Variants in DCAF6 observed in about 807,000 individuals in gnomAD.
DCAF6 encodes DDB1 and CUL4 associated factor 6.
A neutral mutation model predicts 125.1 loss-of-function variants in DCAF6; 54 were observed. The observed-to-expected ratio is 0.43, with a 90% confidence interval of 0.35 to 0.54. DCAF6 has a LOEUF of 0.54. Ranked by LOEUF, DCAF6 falls within the 20% of genes least tolerant of loss-of-function variation. The probability of loss-of-function intolerance (pLI) is 0.01; values close to 1 mark genes in which losing one functional copy is unlikely to be tolerated. For synonymous variants in DCAF6, 371 were observed against 390.4 expected (o/e 0.95, Z 0.58); for missense variants, 934 against 1,161.7 (o/e 0.80, Z 2.85).
At chr1:167,899,728 A>G in the DCAF6 span, 10 of 1,088,338 alleles carry the variant, frequency 9.2e-6, no homozygotes, top group South Asian at 1.3e-5. Flanking sequence ...GGACTATACT[A>G]TCTCAGAGCA....
At chr1:167,935,107 G>A (rs555756373), upstream of DCAF6, among the ~76,000 whole-genome samples, 15 of 152,300 alleles carry the variant, frequency 9.8e-5, no homozygotes, top group African/African-American at 3.4e-4. Flanking sequence ...AGTGGTAGAA[G>A]AGAATGATAT....
At chr1:167,906,578 G>A in the DCAF6 span, among the ~76,000 whole-genome samples, 526 of 149,530 alleles carry the variant, frequency 3.5e-3, 5 homozygotes, top group African/African-American at 0.012. Context: ...GCTTGAGCCC[G>A]AGTTCGAGAC....
intron 1 of DCAF6, among the ~76,000 whole-genome samples, chr1:167,942,916 C>CT (rs1238745860): frequency 2.0e-5 from 3 of 151,704 alleles, no homozygotes; most frequent in Non-Finnish European, 4.4e-5. Flanking sequence ...TAAACTTGGT[C>CT]TTTTTTTTGA....
intron 9 of DCAF6, among the ~76,000 whole-genome samples, chr1:168,004,246 C>CT (rs1426537382): frequency 6.6e-6 from 1 of 151,800 alleles, no homozygotes; most frequent in South Asian, 2.1e-4. Flanking sequence ...TATTTTAAGC[C>CT]TTTTTTTAAT....
At chr1:167,863,635 G>A in the DCAF6 span, among the ~76,000 whole-genome samples, 10 of 152,310 alleles carry the variant, frequency 6.6e-5, no homozygotes, top group Admixed American at 1.3e-4. Flanking sequence ...CTCCTTAGGC[G>A]GCTTTAGCCT....
At chr1:168,036,591 G>T (rs1687838381) in intron 12 of DCAF6, among the ~76,000 whole-genome samples, 1 of 152,126 alleles carries the variant, frequency 6.6e-6, no homozygotes, top group Admixed American at 6.6e-5. Flanking sequence ...AAAAATCTCA[G>T]TAACATAACT....
At chr1:167,899,750 C>T in the DCAF6 span, 1 of 903,724 alleles carries the variant, frequency 1.1e-6, no homozygotes, top group Non-Finnish European at 1.8e-6. Flanking sequence ...AATCTCACTT[C>T]TAAAACTTTA....
the DCAF6 span, among the ~76,000 whole-genome samples, chr1:167,868,867 C>T: frequency 2.0e-5 from 3 of 152,180 alleles, no homozygotes; most frequent in Non-Finnish European, 4.4e-5. Flanking sequence ...CTGAATCATA[C>T]GGTTGCAAGC....
chr1:167,940,229 T>C (rs1672020363), intron 1 of DCAF6, among the ~76,000 whole-genome samples: 1 of 152,260 alleles, frequency 6.6e-6, no homozygotes, highest in African/African-American at 2.4e-5. Flanking sequence ...GATTAAAAGA[T>C]ATGTTTACTT....
chr1:167,928,302 C>G, the DCAF6 span, among the ~76,000 whole-genome samples: 10 of 147,804 alleles, frequency 6.8e-5, no homozygotes, highest in Non-Finnish European at 1.0e-4. Context: ...GAGCCGAGAT[C>G]GCACCACTGC....
At chr1:167,956,667 G>A (rs571051838) in intron 2 of DCAF6, among the ~76,000 whole-genome samples, 3 of 152,144 alleles carry the variant, frequency 2.0e-5, no homozygotes, top group Admixed American at 6.5e-5. Context: ...ATATGAGACC[G>A]TTGTCTTTTC....
At chr1:167,981,711 T>C (rs1679185136) in intron 4 of DCAF6, among the ~76,000 whole-genome samples, 1 of 152,228 alleles carries the variant, frequency 6.6e-6, no homozygotes, top group African/African-American at 2.4e-5. Flanking sequence ...GGACATGATT[T>C]CATTCATTTT....
At chr1:168,061,880 T>C (rs1691638509) in intron 17 of DCAF6, among the ~76,000 whole-genome samples, 1 of 152,122 alleles carries the variant, frequency 6.6e-6, no homozygotes, top group Admixed American at 6.5e-5. Context: ...ATTATGCACA[T>C]ACTGAGGTCT....
At chr1:167,982,188 C>T (rs368752646) in intron 4 of DCAF6, among the ~76,000 whole-genome samples, 3 of 152,086 alleles carry the variant, frequency 2.0e-5, no homozygotes, top group African/African-American at 7.2e-5. Context: ...AGTGTCTGTT[C>T]ATGTCCTTTG....
At chr1:168,049,434 T>G (rs202111993) in intron 16 of DCAF6, among the ~76,000 whole-genome samples, 1,429 of 115,896 alleles carry the variant, frequency 0.012, 11 homozygotes, top group East Asian at 0.056. Flanking sequence ...TGTTGTTGTT[T>G]TTTTTTTTTT....
At chr1:168,001,856 G>A (rs1041895337) in intron 7 of DCAF6, among the ~76,000 whole-genome samples, 4 of 152,090 alleles carry the variant, frequency 2.6e-5, no homozygotes, top group South Asian at 4.1e-4. Context: ...TTAGAAAGTT[G>A]TAGATGTAGA....
chr1:168,036,536 T>A (rs1009405221), intron 12 of DCAF6, among the ~76,000 whole-genome samples: 2 of 152,238 alleles, frequency 1.3e-5, no homozygotes, highest in Non-Finnish European at 2.9e-5. Flanking sequence ...TCTTTAGCTG[T>A]CTGTTTCATC....
At chr1:168,005,122 A>G (rs1272451523) in intron 10 of DCAF6, among the ~76,000 whole-genome samples, 1 of 152,040 alleles carries the variant, frequency 6.6e-6, no homozygotes, top group African/African-American at 2.4e-5. Flanking sequence ...TTCTAGATTT[A>G]TTTGGTTTTA....
chr1:167,976,679 T>C lies in DCAF6; in HGVS notation c.438+1664T>C, dbSNP rs564553447. Among the ~76,000 whole-genome samples, 20 of 152,224 alleles carry C rather than the reference T, an allele frequency of 1.3e-4. No homozygotes were observed. The South Asian group carries it at 4.1e-3, about 32-fold the overall frequency. ...CTCTTGAATAAAGGAACTTGGAACA[T>C]ACCTTGTTCCATTTTATGTGATTAT... On this transcript the variant is annotated intron_variant, in intron 4 of 21. Coordinates refer to ENST00000367840, the MANE Select transcript of DCAF6 (RefSeq NM_001198956.2).
Sources: gnomAD v4.1 joint callset for allele counts (sites outside exome capture counted in the v4.1 genomes callset) on GRCh38, gnomAD v4.1.1 for gene constraint, MANE v1.5 for transcripts, NCBI Gene and HGNC (gene_info 2026-07-23, HGNC 2026-07-21) for gene names.